PBX3: variants seen among roughly 807,000 people sequenced by gnomAD.
PBX3 encodes PBX homeobox 3.
A neutral mutation model predicts 48.5 loss-of-function variants in PBX3; 14 were observed. The observed-to-expected ratio is 0.29, with a 90% CI of 0.19 to 0.45. PBX3 has a LOEUF of 0.45. Ranked by LOEUF, PBX3 falls within the 20% of genes least tolerant of loss-of-function variation. The pLI, the probability that PBX3 is intolerant of heterozygous loss-of-function variation, is 1.00. For missense variants in PBX3, 386 were observed against 546.7 expected (o/e 0.71, Z 2.93); for synonymous variants, 210 against 200.3 (o/e 1.05, Z -0.41).
At chr9:125,964,205 A>T (rs1452216660) in intron 8 of PBX3, among the ~76,000 whole-genome samples, 1 of 152,162 alleles carries the variant, frequency 6.6e-6, no homozygotes, top group Admixed American at 6.5e-5. Flanking sequence ...CAGAGTAAGG[A>T]TTAATTTATT....
chr9:125,800,032 G>A (rs1453392331), intron 2 of PBX3, among the ~76,000 whole-genome samples: 1 of 152,126 alleles, frequency 6.6e-6, no homozygotes, highest in Non-Finnish European at 1.5e-5. Context: ...TTTTATGACA[G>A]TAATAATAAT....
intron 5 of PBX3, among the ~76,000 whole-genome samples, chr9:125,951,620 A>G (rs140128374): frequency 6.6e-6 from 1 of 152,344 alleles, no homozygotes; most frequent in Non-Finnish European, 1.5e-5. Flanking sequence ...CATCCCTGGC[A>G]CAGTCCTATA....
At chr9:125,888,396 A>G (rs1185609399) in intron 2 of PBX3, among the ~76,000 whole-genome samples, 1 of 152,170 alleles carries the variant, frequency 6.6e-6, no homozygotes, top group African/African-American at 2.4e-5. Context: ...GTGTAAGGTT[A>G]TTCTGTAGCA....
intron 2 of PBX3, among the ~76,000 whole-genome samples, chr9:125,788,594 C>T (rs1042908737): frequency 6.6e-6 from 1 of 152,056 alleles, no homozygotes; most frequent in Non-Finnish European, 1.5e-5. Context: ...TGCTGTGGGC[C>T]GGGCATGGTG....
chr9:125,955,407 C>G (rs1477992285), intron 5 of PBX3, among the ~76,000 whole-genome samples: 4 of 152,194 alleles, frequency 2.6e-5, no homozygotes, highest in Admixed American at 2.6e-4. Flanking sequence ...CAGATGCTAC[C>G]TTTCCTCTCC....
At chr9:125,963,555 A>G (rs1033319850) in intron 8 of PBX3, among the ~76,000 whole-genome samples, 3 of 152,246 alleles carry the variant, frequency 2.0e-5, no homozygotes, top group Non-Finnish European at 2.9e-5. Context: ...TGTGGGATGC[A>G]CAACATATTT....
Position 125,852,110 on chromosome 9 carries a change from T to C in PBX3, c.275-63576T>C, listed in dbSNP as rs146103128. Among the ~76,000 whole-genome samples, 1,476 of 152,262 alleles carry C rather than the reference T, an allele frequency of 9.7e-3. 5 individuals carry two copies. The highest frequency in any genetic ancestry group is 0.014 in the Non-Finnish European group (924 of 67,992). ...GCAGATTTTCTGCAAGTGGACGCTG[T>C]AATAAAAATGCCCCCTACTTTGTCA... On this transcript the variant is annotated intron_variant, in intron 2 of 8. Coordinates refer to ENST00000373489, the MANE Select transcript of PBX3 (RefSeq NM_006195.6).
chr9:125,917,381 A>G (rs906303608), intron 3 of PBX3, among the ~76,000 whole-genome samples: 1 of 152,188 alleles, frequency 6.6e-6, no homozygotes, highest in African/African-American at 2.4e-5. Context: ...TTGACACATC[A>G]TTATCACCCA....
intron 2 of PBX3, among the ~76,000 whole-genome samples, chr9:125,797,807 T>C (rs1397394818): frequency 6.6e-6 from 1 of 152,104 alleles, no homozygotes; most frequent in Admixed American, 6.5e-5. Flanking sequence ...GGTCAGGAAA[T>C]CTTAAGGAAA....
At chr9:125,840,030 C>T (rs1464839569) in intron 2 of PBX3, among the ~76,000 whole-genome samples, 2 of 152,048 alleles carry the variant, frequency 1.3e-5, no homozygotes, top group African/African-American at 4.8e-5. Context: ...ATTCAGATGC[C>T]TCTTTGTAAA....
chr9:125,887,628 C>A (rs543219582), intron 2 of PBX3, among the ~76,000 whole-genome samples: 1 of 152,164 alleles, frequency 6.6e-6, no homozygotes, highest in Non-Finnish European at 1.5e-5. Flanking sequence ...GCAGGTTTCA[C>A]ATCAGTATCT....
At chr9:125,938,287 C>G (rs1160349420) in intron 5 of PBX3, among the ~76,000 whole-genome samples, 3 of 152,086 alleles carry the variant, frequency 2.0e-5, no homozygotes, top group Non-Finnish European at 4.4e-5. Context: ...CTGATAGATT[C>G]AGTGGTAGAA....
chr9:125,903,158 A>T (rs1456193630), intron 2 of PBX3, among the ~76,000 whole-genome samples: 2 of 151,794 alleles, frequency 1.3e-5, no homozygotes, highest in Non-Finnish European at 2.9e-5. Flanking sequence ...TTGATTTGAA[A>T]TGAAAGACAC....
At chr9:125,802,413 T>G (rs757947252) in intron 2 of PBX3, among the ~76,000 whole-genome samples, 20 of 137,252 alleles carry the variant, frequency 1.5e-4, no homozygotes, top group Non-Finnish European at 2.2e-4. Flanking sequence ...CGTTGCCCAG[T>G]GTGGAGTTCA....
chr9:125,889,312 G>A (rs1406703134), intron 2 of PBX3, among the ~76,000 whole-genome samples: 1 of 152,244 alleles, frequency 6.6e-6, no homozygotes, highest in Admixed American at 6.5e-5. Flanking sequence ...GAGCAGGGGC[G>A]CTTGCACACG....
chr9:125,794,528 C>T (rs1837719852), intron 2 of PBX3, among the ~76,000 whole-genome samples: 1 of 151,640 alleles, frequency 6.6e-6, no homozygotes. Flanking sequence ...TATATGGTAC[C>T]ATGAGAAGTT....
intron 2 of PBX3, among the ~76,000 whole-genome samples, chr9:125,914,583 C>T (rs1416242139): frequency 6.6e-6 from 1 of 152,182 alleles, no homozygotes; most frequent in Admixed American, 6.5e-5. Flanking sequence ...GTGTGTACCA[C>T]TGTGGATAAA....
At chr9:125,893,319 C>T (rs767682214) in intron 2 of PBX3, among the ~76,000 whole-genome samples, 25 of 152,148 alleles carry the variant, frequency 1.6e-4, no homozygotes, top group Non-Finnish European at 3.2e-4. Flanking sequence ...CTTTTAAAAT[C>T]GAGACTTTAA....
At chr9:125,784,000 CA>C (rs1837394285) in intron 2 of PBX3, among the ~76,000 whole-genome samples, 1 of 151,824 alleles carries the variant, frequency 6.6e-6, no homozygotes, top group African/African-American at 2.4e-5. Context: ...GACTTTGTTT[CA>C]AAAGAAAAAA....
Sources: gnomAD v4.1 joint callset for allele counts (sites outside exome capture counted in the v4.1 genomes callset) on GRCh38, gnomAD v4.1.1 for gene constraint, MANE v1.5 for transcripts, NCBI Gene and HGNC (gene_info 2026-07-23, HGNC 2026-07-21) for gene names.